The following TMEM266 variants were observed in gnomAD, a reference collection of about 807,000 sequenced individuals.
TMEM266 encodes Hv1 related protein 1.
Under a neutral mutation model 50.5 loss-of-function variants are expected in TMEM266, and 33 were observed. The observed-to-expected ratio is 0.65, with a 90% CI of 0.50 to 0.87. The LOEUF (loss-of-function observed/expected upper bound fraction) is 0.87, where lower values mean the gene tolerates loss of function less well. Ranked by LOEUF, TMEM266 falls within the 40% of genes least tolerant of loss-of-function variation. TMEM266 has a pLI of 0.00. For synonymous variants in TMEM266, 310 were observed against 292.3 expected (o/e 1.06, Z -0.62); for missense variants, 655 against 695.1 (o/e 0.94, Z 0.65).
rs183009644 is a variant in TMEM266, at chr15:76,085,821, C to T, written c.-97+25805C>T. Among the ~76,000 whole-genome samples, 1,302 of 152,064 alleles carry T rather than the reference C, an allele frequency of 8.6e-3. 10 individuals are homozygous for T. The highest frequency in any genetic ancestry group is 0.013 in the Admixed American group (202 of 15,298). On this transcript the variant is annotated intron_variant, in intron 1 of 10. Coordinates refer to ENST00000388942, the MANE Select transcript of TMEM266 (RefSeq NM_152335.3). ...CAGCACTTTGGGAGGCCGAGGTGGG[C>T]GGATCACCTGAAGTCAGGAGTTTGA...
At chr15:76,098,350 C>G (rs1186573148) in intron 1 of TMEM266, among the ~76,000 whole-genome samples, 1 of 152,068 alleles carries the variant, frequency 6.6e-6, no homozygotes, top group African/African-American at 2.4e-5. Flanking sequence ...TGCTGCTGGT[C>G]TGCTAGAGTT....
At chr15:76,113,705 C>G (rs150550966) in intron 1 of TMEM266, 4 of 152,000 alleles carry the variant, frequency 2.6e-5, no homozygotes, top group Non-Finnish European at 4.4e-5. Context: ...GTCAGGAGAT[C>G]GAAACCATCC....
chr15:76,135,003 C>A (rs1356079517), intron 2 of TMEM266, among the ~76,000 whole-genome samples: 1 of 152,188 alleles, frequency 6.6e-6, no homozygotes, highest in Non-Finnish European at 1.5e-5. Context: ...CTAGGCTGCT[C>A]ACCCTCTCAT....
At chr15:76,111,854 A>G (rs905356735) in intron 1 of TMEM266, among the ~76,000 whole-genome samples, 2 of 152,266 alleles carry the variant, frequency 1.3e-5, no homozygotes, top group Non-Finnish European at 2.9e-5. Context: ...TTTATTCATA[A>G]TTGCCAAACA....
chr15:76,160,222 G>C lies in TMEM266; in HGVS notation c.456+54G>C. 1 of 1,524,986 alleles carries C rather than the reference G, an allele frequency of 6.6e-7. No individual in the cohort carries two copies. Among genetic ancestry groups the C allele is most frequent in the Non-Finnish European group, 9.1e-7 (1 of 1,101,428 alleles). The allele number at this position is 1,524,986 out of a possible 1,614,324, so 94.5% of individuals were successfully genotyped here. Reference sequence around the variant, plus strand: ...CCTCTGTTGGGTGACTCCTGTCCTGGGGAAACCAAGGTCTACTTCTCGAAA... The same window carrying C: ...CCTCTGTTGGGTGACTCCTGTCCTGCGGAAACCAAGGTCTACTTCTCGAAA... On this transcript the variant is annotated intron_variant, in intron 5 of 10. Transcript: ENST00000388942. The surrounding 1 kb of genome is among the most constrained non-coding windows in gnomAD (Gnocchi z 5.7).
At chr15:76,108,116 G>A (rs537380835) in intron 1 of TMEM266, among the ~76,000 whole-genome samples, 4 of 152,326 alleles carry the variant, frequency 2.6e-5, no homozygotes, top group Admixed American at 6.5e-5. Context: ...CTCATTGCAC[G>A]GGGGCACCAC....
rs139094622 is a variant in TMEM266, at chr15:76,192,413, C to T, written c.958+256C>T. 3.1e-3 allele frequency among the ~76,000 whole-genome samples: 472 copies of T among 152,302 alleles called. 1 individual carries two copies. Among genetic ancestry groups the T allele is most frequent in the Non-Finnish European group, 4.2e-3 (289 of 68,014 alleles). On this transcript the variant is annotated intron_variant, in intron 9 of 10. Coordinates refer to ENST00000388942, the MANE Select transcript of TMEM266 (RefSeq NM_152335.3). ...CCCATTTCATGCCTGTGGCCACTGG[C>T]GTGCGTTGTGTGTGGTGTCTTCCCT...
rs576474161 is a variant in TMEM266, at chr15:76,127,869, A to G, written c.-96-6299A>G. Among the ~76,000 whole-genome samples, 10 of 152,156 alleles carry G rather than the reference A, an allele frequency of 6.6e-5. 1 individual carries two copies. The highest frequency in any genetic ancestry group is 4.6e-4 in the Admixed American group (7 of 15,262). On this transcript the variant is annotated intron_variant, in intron 1 of 10. Transcript: ENST00000388942. ...GTGGTCGGTGGGTCAGCAGATCAGT[A>G]TCCTCTGGGAATTTGTTAGAAATGT... is the stretch of plus-strand genomic sequence containing the variant.
chr15:76,168,489 C>T lies in TMEM266; in HGVS notation c.457-1327C>T, dbSNP rs1196977470. Among the ~76,000 whole-genome samples, 3 of 152,154 alleles carry T rather than the reference C, an allele frequency of 2.0e-5. No individual in the cohort carries two copies. The highest frequency in any genetic ancestry group is 1.9e-4 in the East Asian group (1 of 5,198). ...AGGGGCACCATCTGGTGTGAATCAC[C>T]GTGAATTAAAGTCATCTTGGCTCAA... On this transcript the variant is annotated intron_variant, in intron 5 of 10. Coordinates refer to ENST00000388942, the MANE Select transcript of TMEM266 (RefSeq NM_152335.3). The surrounding 1 kb of genome is among the most constrained non-coding windows in gnomAD (Gnocchi z 4.4).
chr15:76,179,846 T>A (rs902035449), intron 8 of TMEM266, among the ~76,000 whole-genome samples: 2 of 152,164 alleles, frequency 1.3e-5, no homozygotes, highest in Non-Finnish European at 2.9e-5. Flanking sequence ...CCCAGTGCTC[T>A]GGAAGGCTGA....
At chr15:76,142,392 A>T (rs1347034924) in intron 3 of TMEM266, among the ~76,000 whole-genome samples, 2 of 152,216 alleles carry the variant, frequency 1.3e-5, no homozygotes, top group African/African-American at 4.8e-5. Flanking sequence ...ACTCCGTCTC[A>T]AAATAATAAT....
intron 1 of TMEM266, among the ~76,000 whole-genome samples, chr15:76,117,099 A>C (rs1292966663): frequency 6.6e-6 from 1 of 151,880 alleles, no homozygotes; most frequent in African/African-American, 2.4e-5. Flanking sequence ...GCATTTCTTC[A>C]TGTTGGTCAG....
intron 8 of TMEM266, among the ~76,000 whole-genome samples, chr15:76,190,574 G>GGACTT (rs1274415089): frequency 6.6e-6 from 1 of 152,118 alleles, no homozygotes; most frequent in Admixed American, 6.5e-5. Context: ...GACAGCTGCT[G>GGACTT]GACTTGGGGG....
chr15:76,080,531 G>A (rs1216515801), intron 1 of TMEM266, among the ~76,000 whole-genome samples: 1 of 151,392 alleles, frequency 6.6e-6, no homozygotes, highest in African/African-American at 2.4e-5. Context: ...TTACAGGCGT[G>A]AGCCACCGTG....
Position 76,139,307 on chromosome 15 carries a change from A to AT in TMEM266, c.227+1417dup, listed in dbSNP as rs2037640139. On this transcript the variant is annotated intron_variant, in intron 3 of 10. Coordinates refer to ENST00000388942, the MANE Select transcript of TMEM266 (RefSeq NM_152335.3). This position sits in a 1 kb window ranked among gnomAD's most constrained non-coding sequence, Gnocchi z 4.1. Reference sequence around the variant, plus strand: ...CCCAGTGGCTTTCTCTGAAAATATAATTTTTCCAAGTATTATGCATATTGT... The same window carrying AT: ...CCCAGTGGCTTTCTCTGAAAATATAATTTTTTCCAAGTATTATGCATATTGT... 6.6e-6 allele frequency among the ~76,000 whole-genome samples: 1 copy of AT among 152,128 alleles called. No individual in the cohort carries two copies. The highest frequency in any genetic ancestry group is 2.1e-4 in the South Asian group (1 of 4,820).
At chr15:76,061,533 T>C (rs2036304077) in intron 1 of TMEM266, among the ~76,000 whole-genome samples, 1 of 152,220 alleles carries the variant, frequency 6.6e-6, no homozygotes, top group African/African-American at 2.4e-5. Context: ...ATCAAGCTTA[T>C]GCATGAGCAT....
chr15:76,063,181 C>T (rs1040772613), intron 1 of TMEM266, among the ~76,000 whole-genome samples: 1 of 152,152 alleles, frequency 6.6e-6, no homozygotes, highest in Non-Finnish European at 1.5e-5. Context: ...CTATGGCTGT[C>T]GTGTGCTGTG....
At chr15:76,078,713 A>G (rs142117931) in intron 1 of TMEM266, among the ~76,000 whole-genome samples, 1 of 152,270 alleles carries the variant, frequency 6.6e-6, no homozygotes, top group East Asian at 1.9e-4. Flanking sequence ...AGGGCTGGAG[A>G]CTTCCTTCCC....
At position 76,126,754 on chromosome 15, in the gene TMEM266, C is replaced by T. The variant is rs143867105; in HGVS notation, c.-96-7414C>T. Among the ~76,000 whole-genome samples the T allele has an allele frequency of 3.0e-3, 461 of 152,228 alleles. 5 individuals carry two copies. Among genetic ancestry groups the T allele is most frequent in the African/African-American group, 0.01 (429 of 41,534 alleles). On this transcript the variant is annotated intron_variant, in intron 1 of 10. Transcript: ENST00000388942. ...ATGTTGGCCAGGCTGGTCTCGACCTCCTGACCTCAGGTAGTCCACCTGCCT... is the reference window on the plus strand; with the variant it reads ...ATGTTGGCCAGGCTGGTCTCGACCTTCTGACCTCAGGTAGTCCACCTGCCT...
Sources: allele counts gnomAD v4.1 joint callset (sites outside exome capture counted in the v4.1 genomes callset), GRCh38; gene constraint gnomAD v4.1.1; non-coding constraint Gnocchi (gnomAD v3.1); transcripts MANE v1.5; gene names NCBI Gene and HGNC (gene_info 2026-07-23, HGNC 2026-07-21).